Variants in OCA2 observed in about 807,000 individuals in gnomAD.
OCA2 encodes OCA2 melanosomal transmembrane protein, also known as P protein.
In OCA2, 77 loss-of-function variants were observed where a neutral mutation model predicts 100.2. The observed-to-expected ratio is 0.77, with a 90% CI of 0.64 to 0.93. OCA2 has a LOEUF of 0.93. Ranked by LOEUF, OCA2 falls within the 40% of genes least tolerant of loss-of-function variation. The pLI is 0.00. For synonymous variants in OCA2, 432 were observed against 439.2 expected, an observed-to-expected ratio of 0.98 and a Z score of 0.21; for missense variants, 1,062 against 1,089.1, an observed-to-expected ratio of 0.98 and a Z score of 0.35.
At chr15:27,729,774 T>C in the OCA2 span, among the ~76,000 whole-genome samples, 6,756 of 152,294 alleles carry the variant, frequency 0.044, 227 homozygotes, top group East Asian at 0.18. Context: ...CCTACCACCA[T>C]GGACAAATGT....
chr15:28,022,449 T>G lies in OCA2; in HGVS notation c.646+52A>C. On this transcript the variant is annotated intron_variant, in intron 6 of 23. Transcript: ENST00000354638. ...ACAACCGTCTGCAAGTGTCTCCTTGTGTTTCAGATCTCAGCCAGGCGGCTG... is the reference window on the plus strand; with the variant it reads ...ACAACCGTCTGCAAGTGTCTCCTTGGGTTTCAGATCTCAGCCAGGCGGCTG... 3 of 1,285,770 alleles carry G rather than the reference T, an allele frequency of 2.3e-6. No homozygotes were observed. In the Admixed American group the frequency reaches 5.0e-5, roughly 22 times the overall value. 79.6% of individuals were successfully genotyped at this position (1,285,770 alleles called of 1,614,324 possible). A position where few individuals can be genotyped will look rare whatever the true frequency, so the allele number is the denominator to read the frequency against.
chr15:28,011,583 A>G (rs1020273122), intron 9 of OCA2, among the ~76,000 whole-genome samples: 1 of 152,174 alleles, frequency 6.6e-6, no homozygotes, highest in South Asian at 2.1e-4. Flanking sequence ...CAACTAAGCA[A>G]TAAGTTCTCA....
At chr15:28,073,442 T>C (rs2044327657) in intron 2 of OCA2, among the ~76,000 whole-genome samples, 2 of 152,162 alleles carry the variant, frequency 1.3e-5, no homozygotes, top group African/African-American at 4.8e-5. Context: ...TCATCTCCTT[T>C]GCAGTAACAT....
chr15:27,959,554 C>G (rs894021563), intron 15 of OCA2, among the ~76,000 whole-genome samples: 1 of 152,240 alleles, frequency 6.6e-6, no homozygotes, highest in Non-Finnish European at 1.5e-5. Flanking sequence ...AAAGGCATCA[C>G]GGTGAAGGGC....
At chr15:27,723,009 T>A in the OCA2 span, among the ~76,000 whole-genome samples, 1 of 151,636 alleles carries the variant, frequency 6.6e-6, no homozygotes, top group East Asian at 2.0e-4. Flanking sequence ...GCCTGGCTAA[T>A]TTTTTGTATT....
chr15:27,928,950 G>A (rs1026848010), intron 18 of OCA2, among the ~76,000 whole-genome samples: 1 of 152,152 alleles, frequency 6.6e-6, no homozygotes, highest in Non-Finnish European at 1.5e-5. Flanking sequence ...ATTAATATCA[G>A]GGACTACAGG....
At chr15:27,794,414 T>C (rs2033234683) in intron 23 of OCA2, among the ~76,000 whole-genome samples, 1 of 152,130 alleles carries the variant, frequency 6.6e-6, no homozygotes, top group Admixed American at 6.5e-5. Context: ...GATTTTTACA[T>C]GTGGCCTCCC....
chr15:27,952,805 C>T (rs915480974), intron 17 of OCA2, among the ~76,000 whole-genome samples: 2 of 152,080 alleles, frequency 1.3e-5, no homozygotes, highest in African/African-American at 4.8e-5. Flanking sequence ...CAGCCTCCCT[C>T]CCCAGTAGCT....
intron 1 of OCA2, among the ~76,000 whole-genome samples, chr15:28,088,150 G>A (rs1156465708): frequency 6.6e-6 from 1 of 152,158 alleles, no homozygotes; most frequent in Non-Finnish European, 1.5e-5. Flanking sequence ...AGTGCTTAAT[G>A]GAAATAATTC....
intron 23 of OCA2, 80 bp downstream of exon 23, chr15:27,844,878 AT>A: frequency 9.9e-7 from 1 of 1,005,900 alleles, no homozygotes; most frequent in Non-Finnish European, 1.6e-6. Context: ...TTATTTTAGC[AT>A]TTAATGTGTT....
At chr15:27,861,863 C>G (rs1207648111) in intron 21 of OCA2, among the ~76,000 whole-genome samples, 1 of 152,112 alleles carries the variant, frequency 6.6e-6, no homozygotes, top group African/African-American at 2.4e-5. Context: ...TGCGAATGAT[C>G]AGCAGAGTGA....
chr15:27,833,382 G>T (rs563111559), intron 23 of OCA2, among the ~76,000 whole-genome samples: 28 of 152,122 alleles, frequency 1.8e-4, no homozygotes, highest in Non-Finnish European at 4.1e-4. Context: ...TTGTCTGGAG[G>T]TTATGAGATA....
intron 23 of OCA2, among the ~76,000 whole-genome samples, chr15:27,839,460 C>T (rs957721701): frequency 5.3e-5 from 8 of 152,136 alleles, no homozygotes; most frequent in African/African-American, 1.9e-4. Flanking sequence ...CTATATGAGA[C>T]ACACCTAAAA....
At chr15:27,926,600 T>C (rs530660037) in intron 18 of OCA2, among the ~76,000 whole-genome samples, 1 of 152,250 alleles carries the variant, frequency 6.6e-6, no homozygotes, top group East Asian at 1.9e-4. Context: ...TTTCTGTAAA[T>C]TGCACCATAG....
chr15:27,873,404 C>T (rs1397164345), intron 19 of OCA2, among the ~76,000 whole-genome samples: 2 of 152,060 alleles, frequency 1.3e-5, no homozygotes, highest in Admixed American at 6.5e-5. Context: ...TGTTAAAGAA[C>T]GAATAATTTA....
chr15:27,823,170 G>C (rs1209852995), intron 23 of OCA2, among the ~76,000 whole-genome samples: 1 of 152,210 alleles, frequency 6.6e-6, no homozygotes, highest in African/African-American at 2.4e-5. Context: ...TTATACGTTT[G>C]AGCCTGTTTC....
rs1377839029 is a variant in OCA2, at chr15:27,967,351, C to T, written c.1504-529G>A. Among the ~76,000 whole-genome samples the T allele has an allele frequency of 4.6e-5, 7 of 152,170 alleles. No individual in the cohort carries two copies. The East Asian group carries it at 1.4e-3, about 29-fold the overall frequency. Reference sequence around the variant, plus strand: ...TTGTTAACGTTTGTTTCTTTCATGTCGAAAACCAAAAACCAATTCTTACAC... The same window carrying T: ...TTGTTAACGTTTGTTTCTTTCATGTTGAAAACCAAAAACCAATTCTTACAC... On this transcript the variant is annotated intron_variant, in intron 14 of 23. Transcript: ENST00000354638.
intron 23 of OCA2, among the ~76,000 whole-genome samples, chr15:27,828,808 C>T (rs1355510995): frequency 6.6e-6 from 1 of 152,156 alleles, no homozygotes; most frequent in Non-Finnish European, 1.5e-5. Flanking sequence ...CCTGAAGGGT[C>T]AGTCTGGGGT....
chr15:28,092,992 TAAAC>T (rs1208057049), intron 1 of OCA2, among the ~76,000 whole-genome samples: 2 of 149,000 alleles, frequency 1.3e-5, no homozygotes, highest in African/African-American at 2.5e-5. Context: ...AATTCAAAAG[TAAAC>T]AAAAAAAAAA....
Sources: gnomAD v4.1 joint callset for allele counts (sites outside exome capture counted in the v4.1 genomes callset) on GRCh38, gnomAD v4.1.1 for gene constraint, MANE v1.5 for transcripts, NCBI Gene and HGNC (gene_info 2026-07-23, HGNC 2026-07-21) for gene names.